Variants in DOCK11 observed in about 807,000 individuals in gnomAD.
DOCK11 encodes dedicator of cytokinesis protein 11.
A neutral mutation model predicts 169.1 loss-of-function variants in DOCK11; 70 were observed. That is an observed-to-expected ratio of 0.41 (90% CI 0.34 to 0.51). The LOEUF (loss-of-function observed/expected upper bound fraction) is 0.51, where lower values mean the gene tolerates loss of function less well. DOCK11 is among the 20% of genes least tolerant of loss of function. The pLI, the probability that DOCK11 is intolerant of heterozygous loss-of-function variation, is 0.10. For missense variants in DOCK11, 1,166 were observed against 1,538.8 expected (o/e 0.76, Z 4.05); for synonymous variants, 529 against 541.3 (o/e 0.98, Z 0.32).
At chrX:118,524,480 G>C (rs1419860971) in intron 1 of DOCK11, among the ~76,000 whole-genome samples, 1 of 111,695 alleles carries the variant, frequency 9.0e-6, no homozygotes, top group Non-Finnish European at 1.9e-5. Context: ...TATTTGTAAA[G>C]CATATATCTG....
At chrX:118,504,859 C>T (rs2057600467) in intron 1 of DOCK11, among the ~76,000 whole-genome samples, 1 of 111,816 alleles carries the variant, frequency 8.9e-6, no homozygotes, top group African/African-American at 3.3e-5. Flanking sequence ...GCTGCCATTG[C>T]CTTTGTAAGC....
intron 4 of DOCK11, among the ~76,000 whole-genome samples, chrX:118,544,397 A>G (rs1353276906): frequency 9.0e-6 from 1 of 110,836 alleles, no homozygotes; most frequent in Non-Finnish European, 1.9e-5. Context: ...CCATTTTCTC[A>G]TCTCTAGCAC....
chrX:118,597,445 G>A lies in DOCK11; in HGVS notation c.2278G>A (p.Val760Ile). The change falls in exon 21 of 53, where the codon GTA becomes ATA. Residue 760 changes from valine (V) to isoleucine (I), a missense_variant. Physicochemically the swap from Val to Ile is conservative, Grantham distance 29 (BLOSUM62 3). Coordinates refer to ENST00000276202, the MANE Select transcript of DOCK11 (RefSeq NM_144658.4). ...TATCTTGGCAGTTGGGTTTGCCTGG[G>A]TACCTTTGCTGAAAGATGGTAGAAT... is the stretch of plus-strand genomic sequence containing the variant. ...TVETPVGFAW[V>I]PLLKDGRIIT... The A allele has an allele frequency of 8.3e-7, 1 of 1,211,108 alleles. No individual in the cohort carries two copies. The highest frequency in any genetic ancestry group is 3.0e-5 in the East Asian group (1 of 33,851).
intron 45 of DOCK11, among the ~76,000 whole-genome samples, chrX:118,668,125 G>A (rs1006310617): frequency 1.4e-4 from 16 of 111,101 alleles, no homozygotes; most frequent in African/African-American, 4.9e-4. Flanking sequence ...TTGCCTTATT[G>A]TACTGGCTAG....
intron 7 of DOCK11, among the ~76,000 whole-genome samples, chrX:118,562,228 C>T (rs1359191202): frequency 1.8e-5 from 2 of 108,930 alleles, no homozygotes; most frequent in Admixed American, 9.8e-5. Flanking sequence ...ATGGCATCTC[C>T]GTCCTCCGAA....
chrX:118,577,717 T>C (rs766656147), intron 12 of DOCK11, among the ~76,000 whole-genome samples: 1 of 111,487 alleles, frequency 9.0e-6, no homozygotes, highest in South Asian at 3.7e-4. Context: ...CTGGTACAAA[T>C]GAGATAATGT....
intron 1 of DOCK11, among the ~76,000 whole-genome samples, chrX:118,514,851 C>T (rs1320747608): frequency 8.9e-6 from 1 of 112,480 alleles, no homozygotes; most frequent in Non-Finnish European, 1.9e-5. Flanking sequence ...ATTGCTCCTT[C>T]TGCAGCCTTA....
At position 118,588,239 on chromosome X, in the gene DOCK11, G is replaced by A. The variant is rs138892011; in HGVS notation, c.1898G>A (p.Cys633Tyr). The change falls in exon 17 of 53, where the codon TGT becomes TAT. Residue 633 changes from cysteine to tyrosine, a missense_variant. Transcript: ENST00000276202. ...EEFVPEMTKY[C>Y]YPFTIYKNHL... is the part of the protein sequence containing the mutation. ...TTTGTTCCAGAAATGACAAAATATT[G>A]TTATCCATTTACTATTTACAAAAAC... 1.3e-5 allele frequency: 16 copies of A among 1,199,351 alleles called. No individual in the cohort carries two copies. Among genetic ancestry groups the A allele is most frequent in the Non-Finnish European group, 1.8e-5 (16 of 889,228 alleles).
intron 20 of DOCK11, among the ~76,000 whole-genome samples, chrX:118,596,450 C>T (rs1290601806): frequency 8.9e-6 from 1 of 112,326 alleles, no homozygotes; most frequent in Non-Finnish European, 1.9e-5. Context: ...CTTCTGTGTT[C>T]ACAGTATCAC....
intron 1 of DOCK11, among the ~76,000 whole-genome samples, chrX:118,542,500 CTGTGTGTGTGTGTGTGTGTTTGTG>C (rs1264884525): frequency 8.6e-4 from 73 of 84,737 alleles, no homozygotes; most frequent in African/African-American, 2.8e-3. Context: ...AAGAGAATGT[CTGTGTGTGTGTGTGTGTGTTTGTG>C]TGTGTGTGTG....
chrX:118,609,074 C>T (rs2014611264), intron 26 of DOCK11, among the ~76,000 whole-genome samples: 1 of 112,235 alleles, frequency 8.9e-6, no homozygotes, highest in African/African-American at 3.2e-5. Context: ...CCCATCCTTC[C>T]TTTATATATT....
chrX:118,624,153 A>G (rs1202113286), intron 31 of DOCK11, among the ~76,000 whole-genome samples: 5 of 112,925 alleles, frequency 4.4e-5, no homozygotes, highest in African/African-American at 1.3e-4. Context: ...ACCATCTGCT[A>G]TGTGCCCAGG....
At chrX:118,598,801 T>A (rs1203846290) in intron 22 of DOCK11, among the ~76,000 whole-genome samples, 1 of 112,336 alleles carries the variant, frequency 8.9e-6, no homozygotes, top group Non-Finnish European at 1.9e-5. Context: ...CACATCTTTA[T>A]TATTTATTTA....
Position 118,591,649 on chromosome X carries a change from C to T in DOCK11, c.2139+1347C>T, listed in dbSNP as rs756498048. Among the ~76,000 whole-genome samples, 18 of 103,703 alleles carry T rather than the reference C, an allele frequency of 1.7e-4. No individual in the cohort carries two copies. In the South Asian group the frequency reaches 7.2e-3, roughly 41 times the overall value. The allele number at this position is 103,703 out of a possible 115,157, so 90.1% of individuals were successfully genotyped here. On this transcript the variant is annotated intron_variant, in intron 19 of 52. Coordinates refer to ENST00000276202, the MANE Select transcript of DOCK11 (RefSeq NM_144658.4). ...CTTTTCTTTTTTATTATTATTATTA[C>T]ACTTTAAGTTTTAGGATACATGTGC...
rs754050964 is a variant in DOCK11, at chrX:118,659,469, T to G, written c.4970-3217T>G. 7.1e-5 allele frequency among the ~76,000 whole-genome samples: 8 copies of G among 112,260 alleles called. 1 individual carries two copies. In the South Asian group the frequency reaches 3.0e-3, roughly 42 times the overall value. On this transcript the variant is annotated intron_variant, in intron 44 of 52. Transcript: ENST00000276202. Reference sequence around the variant, plus strand: ...GGCCAATTCTAGACTCAGCAACTTGTTTCATCTGAAAATCTTTCTAGAACT... The same window carrying G: ...GGCCAATTCTAGACTCAGCAACTTGGTTCATCTGAAAATCTTTCTAGAACT...
At chrX:118,548,202 G>T (rs1481721787) in intron 6 of DOCK11, among the ~76,000 whole-genome samples, 5 of 112,501 alleles carry the variant, frequency 4.4e-5, no homozygotes, top group African/African-American at 1.3e-4. Context: ...GATTCCTTTA[G>T]TTTAATACCT....
chrX:118,633,994 ACAG>A (rs1415440740), intron 35 of DOCK11: 1 of 112,502 alleles, frequency 8.9e-6, no homozygotes. Context: ...CTGTCATTGA[ACAG>A]CAGTCACAGG....
chrX:118,623,073 C>T (rs909516089), intron 31 of DOCK11, among the ~76,000 whole-genome samples: 1 of 111,396 alleles, frequency 9.0e-6, no homozygotes, highest in African/African-American at 3.3e-5. Context: ...CAAAAATTAG[C>T]CAGGCGTGGT....
At chrX:118,571,476 G>A (rs1046821655) in intron 10 of DOCK11, among the ~76,000 whole-genome samples, 5 of 109,267 alleles carry the variant, frequency 4.6e-5, no homozygotes, top group African/African-American at 1.0e-4. Flanking sequence ...TCAGCCTCCC[G>A]AATAACCAGG....
Sources: allele counts gnomAD v4.1 joint callset (sites outside exome capture counted in the v4.1 genomes callset), GRCh38; gene constraint gnomAD v4.1.1; transcripts MANE v1.5; gene names NCBI Gene and HGNC (gene_info 2026-07-23, HGNC 2026-07-21).